Variants in ADGRB3 observed in about 807,000 individuals in gnomAD.
ADGRB3 encodes adhesion G protein-coupled receptor B3, also known as brain-specific angiogenesis inhibitor 3.
A neutral mutation model predicts 193.4 loss-of-function variants in ADGRB3; 37 were observed. That is an observed-to-expected ratio of 0.19 (90% confidence interval 0.15 to 0.25). ADGRB3 has a LOEUF of 0.25. Ranked by LOEUF, ADGRB3 falls within the 10% of genes least tolerant of loss-of-function variation. The pLI, the probability that ADGRB3 is intolerant of heterozygous loss-of-function variation, is 1.00. For missense variants in ADGRB3, 1,637 were observed against 1,852.9 expected (o/e 0.88, Z 2.14); for synonymous variants, 690 against 644.2 (o/e 1.07, Z -1.08).
chr6:68,843,043 T>TAAA (rs1768192417), intron 3 of ADGRB3, among the ~76,000 whole-genome samples: 1 of 71,356 alleles, frequency 1.4e-5, no homozygotes. Flanking sequence ...AAAAGCCATA[T>TAAA]ACAACAACAA....
intron 17 of ADGRB3, among the ~76,000 whole-genome samples, chr6:69,195,537 A>T (rs1444183072): frequency 2.0e-5 from 3 of 151,124 alleles, no homozygotes; most frequent in African/African-American, 7.3e-5. Context: ...AAAAAAAAAA[A>T]AAAAAAAGAC....
intron 20 of ADGRB3, among the ~76,000 whole-genome samples, chr6:69,246,869 G>T (rs1561964997): frequency 1.3e-5 from 2 of 152,144 alleles, no homozygotes; most frequent in South Asian, 4.1e-4. Flanking sequence ...GGAAGAAGCA[G>T]AACACGAGTC....
chr6:68,862,480 A>T (rs532833536), intron 3 of ADGRB3, among the ~76,000 whole-genome samples: 6 of 152,292 alleles, frequency 3.9e-5, no homozygotes, highest in African/African-American at 1.2e-4. Context: ...CTTCACAAAC[A>T]TACTCTCCTG....
chr6:69,018,217 A>G (rs1770154038), intron 12 of ADGRB3, among the ~76,000 whole-genome samples, 174 bp from the exon 13 acceptor site: 1 of 152,028 alleles, frequency 6.6e-6, no homozygotes, highest in Non-Finnish European at 1.5e-5. Context: ...CCAATGTGAC[A>G]CCTGATGTCA....
chr6:68,659,506 A>AT (rs1227985267), intron 3 of ADGRB3, among the ~76,000 whole-genome samples: 1 of 150,922 alleles, frequency 6.6e-6, no homozygotes. Context: ...GCGAAGAAGC[A>AT]TATTTCCCCA....
At chr6:68,808,061 C>T (rs1213239758) in intron 3 of ADGRB3, among the ~76,000 whole-genome samples, 1 of 152,050 alleles carries the variant, frequency 6.6e-6, no homozygotes, top group East Asian at 1.9e-4. Context: ...AGGAATATTT[C>T]CAGGTCAAAT....
At chr6:68,647,538 C>A (rs1316061324) in intron 3 of ADGRB3, among the ~76,000 whole-genome samples, 1 of 152,092 alleles carries the variant, frequency 6.6e-6, no homozygotes, top group Non-Finnish European at 1.5e-5. Flanking sequence ...AACAAAGGAT[C>A]ATAAAGCCAT....
At chr6:69,295,044 C>A (rs947903588) in intron 20 of ADGRB3, among the ~76,000 whole-genome samples, 1 of 152,150 alleles carries the variant, frequency 6.6e-6, no homozygotes, top group Non-Finnish European at 1.5e-5. Context: ...CTGCAGCAAG[C>A]CTGCTCTGAC....
At chr6:69,031,033 TC>T (rs56287749) in intron 13 of ADGRB3, among the ~76,000 whole-genome samples, 953 of 66,468 alleles carry the variant, frequency 0.014, 153 homozygotes, top group Middle Eastern at 0.029. Flanking sequence ...TTTCCTCTTC[TC>T]TTCTCTCTTC....
chr6:69,077,237 C>T (rs1367687856), intron 17 of ADGRB3, among the ~76,000 whole-genome samples: 1 of 151,772 alleles, frequency 6.6e-6, no homozygotes, highest in Non-Finnish European at 1.5e-5. Context: ...AAAATTTTTG[C>T]AAGCTTTCTC....
At chr6:69,274,595 T>TTCCC (rs36136728) in intron 20 of ADGRB3, among the ~76,000 whole-genome samples, 28 of 92,482 alleles carry the variant, frequency 3.0e-4, no homozygotes, top group South Asian at 4.3e-4. Flanking sequence ...TTCCTCCCTT[T>TTCCC]TCCCTCCCTC....
chr6:68,978,600 CAG>C (rs939511421), intron 10 of ADGRB3, among the ~76,000 whole-genome samples: 9 of 151,608 alleles, frequency 5.9e-5, no homozygotes, highest in Admixed American at 2.0e-4. Context: ...CAATTGGAAA[CAG>C]AAATGAGATC....
Position 68,992,608 on chromosome 6 carries a change from C to T in ADGRB3, c.1735-1160C>T, listed in dbSNP as rs182890572. 1.6e-4 allele frequency among the ~76,000 whole-genome samples: 24 copies of T among 152,160 alleles called. No homozygotes were observed. The East Asian group carries it at 4.4e-3, about 28-fold the overall frequency. ...GGAATGAAAGAATAGGGAGAAGTAC[C>T]TAAATATGTTATGACTTTTAGCATA... is the stretch of plus-strand genomic sequence containing the variant. On this transcript the variant is annotated intron_variant, in intron 10 of 31. Transcript: ENST00000370598.
intron 17 of ADGRB3, among the ~76,000 whole-genome samples, chr6:69,179,637 T>C (rs1326366052): frequency 4.6e-5 from 7 of 152,210 alleles, no homozygotes. Flanking sequence ...TCTCATGTGG[T>C]AGCACTTTTT....
intron 17 of ADGRB3, among the ~76,000 whole-genome samples, chr6:69,124,298 A>G (rs577732618): frequency 6.6e-6 from 1 of 152,288 alleles, no homozygotes; most frequent in Non-Finnish European, 1.5e-5. Flanking sequence ...TTATCTCATA[A>G]TTGTTAACAC....
intron 17 of ADGRB3, among the ~76,000 whole-genome samples, chr6:69,145,046 C>T (rs930166805): frequency 6.6e-6 from 1 of 152,198 alleles, no homozygotes; most frequent in East Asian, 1.9e-4. Context: ...ATTAGTGTTA[C>T]AGGATCCTTT....
chr6:68,866,893 T>C (rs1251608297), intron 3 of ADGRB3, among the ~76,000 whole-genome samples: 1 of 152,158 alleles, frequency 6.6e-6, no homozygotes, highest in African/African-American at 2.4e-5. Flanking sequence ...CAAGATGTAA[T>C]ATGGCTGCTC....
chr6:68,729,194 G>C lies in ADGRB3; in HGVS notation c.757+89762G>C, dbSNP rs565995003. Among the ~76,000 whole-genome samples the C allele has an allele frequency of 2.4e-4, 36 of 151,740 alleles. No individual in the cohort carries two copies. In the South Asian group the frequency reaches 5.8e-3, roughly 24 times the overall value. Reference sequence around the variant, plus strand: ...CTGCCCTGTTGCCCTTCTCTGGGCTGTGTGCTTAGATGGTAGAGCTACTGT... The same window carrying C: ...CTGCCCTGTTGCCCTTCTCTGGGCTCTGTGCTTAGATGGTAGAGCTACTGT... On this transcript the variant is annotated intron_variant, in intron 3 of 31. Transcript: ENST00000370598.
chr6:69,130,286 T>C (rs560096459), intron 17 of ADGRB3, among the ~76,000 whole-genome samples: 1 of 152,120 alleles, frequency 6.6e-6, no homozygotes, highest in South Asian at 2.1e-4. Context: ...CTAAAAATTA[T>C]CACGGTGGCC....
Sources: allele counts gnomAD v4.1 joint callset (sites outside exome capture counted in the v4.1 genomes callset), GRCh38; gene constraint gnomAD v4.1.1; transcripts MANE v1.5; gene names NCBI Gene and HGNC (gene_info 2026-07-23, HGNC 2026-07-21).